ATP1A4: variants seen among roughly 807,000 people sequenced by gnomAD.
ATP1A4 encodes sodium/potassium-transporting ATPase subunit alpha-4.
In ATP1A4, 90 loss-of-function variants were observed where a neutral mutation model predicts 114.3. That is an observed-to-expected ratio of 0.79 (90% CI 0.66 to 0.94). ATP1A4 has a LOEUF of 0.94. Ranked by LOEUF, ATP1A4 falls within the 40% of genes least tolerant of loss-of-function variation. The pLI is 0.00. For synonymous variants in ATP1A4, 511 were observed against 494.1 expected, an observed-to-expected ratio of 1.03 and a Z score of -0.45; for missense variants, 1,222 against 1,313.6, an observed-to-expected ratio of 0.93 and a Z score of 1.08.
At position 160,171,429 on chromosome 1, in the gene ATP1A4, A is replaced by C. The variant is rs1653253419; in HGVS notation, c.1670A>C (p.Glu557Ala). 6.2e-7 allele frequency: 1 copy of C among 1,613,826 alleles called. No individual in the cohort carries two copies. Among genetic ancestry groups the C allele is most frequent in the Admixed American group, 1.7e-5 (1 of 59,972 alleles). The change falls in exon 11 of 22, where the codon GAA (glutamate) becomes GCA (alanine). Residue 557 changes from glutamate to alanine, a missense_variant. Coordinates refer to ENST00000368081, the MANE Select transcript of ATP1A4 (RefSeq NM_144699.4). ...NAYLELGGLG[E>A]RVLGFCFLNL... ...TACTTAGAACTGGGAGGTCTGGGGG[A>C]ACGTGTGCTAGGTGAGGAGCTTTGG...
Position 160,151,698 on chromosome 1 carries a change from G to A in ATP1A4, c.-343G>A, listed in dbSNP as rs2369476. ...CTTCATCACTGAGGCACCTGGTTACGCTTCACCTCTTGTTTCCTGCCCTCA... is the reference window on the plus strand; with the variant it reads ...CTTCATCACTGAGGCACCTGGTTACACTTCACCTCTTGTTTCCTGCCCTCA... On this transcript the variant is annotated 5_prime_UTR_variant, in exon 1 of 22. Coordinates refer to ENST00000368081, the MANE Select transcript of ATP1A4 (RefSeq NM_144699.4). 10 of 198,238 alleles carry A rather than the reference G, an allele frequency of 5.0e-5. No individual in the cohort carries two copies. The highest frequency in any genetic ancestry group is 3.2e-4 in the East Asian group (3 of 9,296). The allele number at this position is 198,238 out of a possible 1,614,324, so 12.3% of individuals were successfully genotyped here. A position where few individuals can be genotyped will look rare whatever the true frequency, so the allele number is the denominator to read the frequency against.
intron 6 of ATP1A4, among the ~76,000 whole-genome samples, chr1:160,160,462 C>A (rs1652831246): frequency 6.6e-6 from 1 of 152,148 alleles, no homozygotes; most frequent in African/African-American, 2.4e-5. Flanking sequence ...AGTGATCTGC[C>A]CTCCTCGGCC....
chr1:160,176,111 C>G lies in ATP1A4; in HGVS notation c.2331C>G (p.Asn777Lys), dbSNP rs1339569026. The G allele has an allele frequency of 6.2e-7, 1 of 1,614,128 alleles. No homozygotes were observed. Among genetic ancestry groups the G allele is most frequent in the Admixed American group, 1.7e-5 (1 of 60,020 alleles). ...CCCCAGGCCGCCTGATCTTTGACAA[C>G]CTGAAGAAATCCATCATGTACACCC... ...GVEEGRLIFD[N>K]LKKSIMYTLT... Residue 777 changes from asparagine (N) to lysine (K), a missense_variant, in exon 16 of 22, where the codon AAC (asparagine) becomes AAG (lysine). By Grantham distance (94) the Asn-to-Lys change is moderately conservative. Coordinates refer to ENST00000368081, the MANE Select transcript of ATP1A4 (RefSeq NM_144699.4).
At chr1:160,183,111 C>A (rs1266024419) in intron 20 of ATP1A4, 1 of 152,220 alleles carries the variant, frequency 6.6e-6, no homozygotes, top group Non-Finnish European at 1.5e-5. Flanking sequence ...TAGACACTCA[C>A]AATCCAAGGT....
intron 15 of ATP1A4, among the ~76,000 whole-genome samples, chr1:160,175,855 T>C (rs1425509965): frequency 2.0e-5 from 3 of 152,150 alleles, no homozygotes; most frequent in Non-Finnish European, 4.4e-5. Flanking sequence ...CTGCTAATTT[T>C]CAGAGATCAG....
At chr1:160,169,281 G>A (rs6666797) in intron 10 of ATP1A4, among the ~76,000 whole-genome samples, 12,488 of 152,230 alleles carry the variant, frequency 0.082, 545 homozygotes, top group African/African-American at 0.11. Context: ...AAAATGAAAC[G>A]AAGAAGATGC....
intron 20 of ATP1A4, among the ~76,000 whole-genome samples, chr1:160,185,405 C>T (rs1304802988): frequency 6.6e-6 from 1 of 152,098 alleles, no homozygotes; most frequent in Non-Finnish European, 1.5e-5. Context: ...GCCATCATGC[C>T]TGGCTATCAC....
intron 14 of ATP1A4, 116 bp downstream of exon 14, chr1:160,174,377 C>A: frequency 2.1e-6 from 3 of 1,450,338 alleles, no homozygotes; most frequent in South Asian, 2.7e-5. Flanking sequence ...GAGAGTACCC[C>A]ATCTGGAACC....
chr1:160,161,573 C>G (rs926126063), intron 6 of ATP1A4, among the ~76,000 whole-genome samples: 1 of 152,194 alleles, frequency 6.6e-6, no homozygotes, highest in Non-Finnish European at 1.5e-5. Flanking sequence ...AATAGAAGAA[C>G]TAGACTAAAC....
intron 1 of ATP1A4, among the ~76,000 whole-genome samples, 161 bp downstream of exon 1, chr1:160,152,348 A>G (rs902856831): frequency 6.6e-6 from 1 of 151,398 alleles, no homozygotes; most frequent in Non-Finnish European, 1.5e-5. Context: ...AAAAAAAGAT[A>G]CACACAGAGA....
chr1:160,166,740 TTGG>T lies in ATP1A4; in HGVS notation c.1246+18_1246+20del. The T allele has an allele frequency of 2.5e-6, 4 of 1,614,084 alleles. No homozygotes were observed. The highest frequency in any genetic ancestry group is 3.4e-6 in the Non-Finnish European group (4 of 1,179,982). On this transcript the variant is annotated intron_variant, in intron 8 of 21. Coordinates refer to ENST00000368081, the MANE Select transcript of ATP1A4 (RefSeq NM_144699.4). ...AAGAACAGACTGGTGACTAGTGGTA[TTGG>T]TGGAACAAGAGTGGAGGGATTTGGG... is the stretch of plus-strand genomic sequence containing the variant.
In ATP1A4 at chr1:160,155,149, G is replaced by C; in HGVS notation, c.312G>C (p.Leu104=). The C allele has an allele frequency of 6.2e-7, 1 of 1,611,938 alleles. No homozygotes were observed. Among genetic ancestry groups the C allele is most frequent in the Non-Finnish European group, 8.5e-7 (1 of 1,179,248 alleles). The change falls in exon 3 of 22, where the codon CTG becomes CTC. Residue 104 remains leucine (L), a synonymous_variant. Transcript: ENST00000368081. ...AATGGGTCAAATTCTGTAAGCAACT[G>C]TTCGGAGGCTTCTCCCTCCTACTAT... ...TPEWVKFCKQ[L]FGGFSLLLWT...
chr1:160,178,149 G>C (rs1653552310), intron 18 of ATP1A4, among the ~76,000 whole-genome samples: 1 of 151,934 alleles, frequency 6.6e-6, no homozygotes, highest in Admixed American at 6.6e-5. Context: ...TTGAGGTTGG[G>C]AGTTGAGACC....
Position 160,176,114 on chromosome 1 carries a change from G to T in ATP1A4, c.2334G>T (p.Leu778=). The T allele has an allele frequency of 6.2e-7, 1 of 1,614,092 alleles. No individual in the cohort carries two copies. The highest frequency in any genetic ancestry group is 1.1e-5 in the South Asian group (1 of 91,076). The change falls in exon 16 of 22, where the codon CTG becomes CTT. Residue 778 remains leucine, a synonymous_variant. Transcript: ENST00000368081. Reference sequence around the variant, plus strand: ...CAGGCCGCCTGATCTTTGACAACCTGAAGAAATCCATCATGTACACCCTGA... The same window carrying T: ...CAGGCCGCCTGATCTTTGACAACCTTAAGAAATCCATCATGTACACCCTGA... ...VEEGRLIFDN[L]KKSIMYTLTS...
intron 17 of ATP1A4, among the ~76,000 whole-genome samples, chr1:160,176,904 T>G (rs536810706): frequency 9.2e-5 from 14 of 152,308 alleles, no homozygotes; most frequent in Middle Eastern, 3.4e-3. Flanking sequence ...AGAGGCCTTA[T>G]GCAGGAAATA....
intron 8 of ATP1A4, 49 bp from the exon 9 acceptor site, chr1:160,166,919 C>A (rs759965752): frequency 2.5e-6 from 4 of 1,589,286 alleles, no homozygotes; most frequent in African/African-American, 2.7e-5. Context: ...TAACCGCTTG[C>A]TTAAAATTCT....
chr1:160,186,752 T>G lies in ATP1A4; in HGVS notation c.*53T>G. On this transcript the variant is annotated 3_prime_UTR_variant, in exon 22 of 22. Coordinates refer to ENST00000368081, the MANE Select transcript of ATP1A4 (RefSeq NM_144699.4). ...CACAGGGGTGTTGTGAGAGCTGGGA[T>G]GGGGCCAGAGATTATAAGTTTGACA... The G allele has an allele frequency of 6.4e-7, 1 of 1,567,446 alleles. No homozygotes were observed. Among genetic ancestry groups the G allele is most frequent in the Non-Finnish European group, 8.7e-7 (1 of 1,145,862 alleles).
intron 15 of ATP1A4, among the ~76,000 whole-genome samples, chr1:160,175,464 G>C (rs1471722397): frequency 1.3e-5 from 2 of 151,938 alleles, no homozygotes; most frequent in Non-Finnish European, 2.9e-5. Context: ...CTTGATGCTG[G>C]GGATACAACA....
In ATP1A4 at chr1:160,151,948, C is replaced by G. The variant is rs1028575137; in HGVS notation, c.-93C>G. 26 of 1,453,094 alleles carry G rather than the reference C, an allele frequency of 1.8e-5. No individual in the cohort carries two copies. In the African/African-American group the frequency reaches 3.3e-4, roughly 18 times the overall value. 90.0% of individuals were successfully genotyped at this position (1,453,094 alleles called of 1,614,324 possible). A position where few individuals can be genotyped will look rare whatever the true frequency, so the allele number is the denominator to read the frequency against. On this transcript the variant is annotated 5_prime_UTR_variant, in exon 1 of 22. Coordinates refer to ENST00000368081, the MANE Select transcript of ATP1A4 (RefSeq NM_144699.4). Reference sequence around the variant, plus strand: ...TCCCCACCACTCTCTTCTCGTGGCCCCCTTGCCCGCGCGCCCTCTTCCCTT... The same window carrying G: ...TCCCCACCACTCTCTTCTCGTGGCCGCCTTGCCCGCGCGCCCTCTTCCCTT...
Sources: gnomAD v4.1 joint callset for allele counts (sites outside exome capture counted in the v4.1 genomes callset) on GRCh38, gnomAD v4.1.1 for gene constraint, MANE v1.5 for transcripts, NCBI Gene and HGNC (gene_info 2026-07-23, HGNC 2026-07-21) for gene names.